Variants in ATG4C observed in about 807,000 individuals in gnomAD.
ATG4C encodes the protein cysteine protease ATG4C.
A neutral mutation model predicts 57.6 loss-of-function variants in ATG4C; 56 were observed. The observed-to-expected ratio is 0.97, with a 90% CI of 0.78 to 1.21. The LOEUF is 1.21. ATG4C is among the 50% of genes most tolerant of loss of function. ATG4C has a pLI of 0.00. For synonymous variants in ATG4C, 157 were observed against 174.1 expected (o/e 0.90, Z 0.78); for missense variants, 595 against 529.8 (o/e 1.12, Z -1.21).
intron 7 of ATG4C, among the ~76,000 whole-genome samples, chr1:62,832,492 C>A (rs912736425): frequency 6.6e-6 from 1 of 152,120 alleles, no homozygotes; most frequent in Admixed American, 6.5e-5. Context: ...TCTGTCCTCA[C>A]GTGGCAGAGG....
intron 6 of ATG4C, among the ~76,000 whole-genome samples, chr1:62,822,059 A>G (rs1375291428): frequency 1.3e-5 from 2 of 152,144 alleles, no homozygotes; most frequent in African/African-American, 4.8e-5. Flanking sequence ...AGACACCTCA[A>G]TTCTTAATAA....
intron 10 of ATG4C, among the ~76,000 whole-genome samples, chr1:62,861,168 T>G (rs1402525538): frequency 6.6e-6 from 1 of 152,146 alleles, no homozygotes; most frequent in Non-Finnish European, 1.5e-5. Context: ...AAAACAACTA[T>G]GAGATGGTGA....
chr1:62,853,029 A>T (rs1235548001), intron 10 of ATG4C, among the ~76,000 whole-genome samples: 2 of 152,120 alleles, frequency 1.3e-5, no homozygotes, highest in South Asian at 2.1e-4. Context: ...TATGAAAAAG[A>T]TGCATAGATG....
At chr1:62,831,239 G>C (rs1292784189) in intron 7 of ATG4C, among the ~76,000 whole-genome samples, 1 of 152,104 alleles carries the variant, frequency 6.6e-6, no homozygotes, top group African/African-American at 2.4e-5. Flanking sequence ...GGCCAGAGGG[G>C]ATGGTTGAGT....
chr1:62,816,736 G>T lies in ATG4C; in HGVS notation c.322G>T (p.Gly108Trp), dbSNP rs1315640383. The change falls in exon 4 of 11, where the codon GGG (glycine) becomes TGG (tryptophan). Residue 108 changes from glycine to tryptophan, a missense_variant. Transcript: ENST00000317868. ...AGGCTCAGCTTTGACAACAGACTGT[G>T]GGTGGGGCTGCACATTGAGAACTGG... is the stretch of plus-strand genomic sequence containing the variant. ...IEGSALTTDC[G>W]WGCTLRTGQM... The T allele has an allele frequency of 7.4e-6, 12 of 1,613,666 alleles. No homozygotes were observed. In the Admixed American group the frequency reaches 2.0e-4, roughly 27 times the overall value.
At chr1:62,856,022 G>A (rs1271864408) in intron 10 of ATG4C, among the ~76,000 whole-genome samples, 2 of 152,200 alleles carry the variant, frequency 1.3e-5, no homozygotes, top group Non-Finnish European at 2.9e-5. Flanking sequence ...CAGCCTGTAT[G>A]TAGTCTTATA....
chr1:62,834,675 C>A, intron 8 of ATG4C, 101 bp from the exon 9 acceptor site: 1 of 874,940 alleles, frequency 1.1e-6, no homozygotes, highest in Non-Finnish European at 1.8e-6. Flanking sequence ...CAAGCTGTTA[C>A]TCCCAGATTT....
intron 3 of ATG4C, among the ~76,000 whole-genome samples, 184 bp downstream of exon 3, chr1:62,805,439 T>C (rs928432428): frequency 2.6e-5 from 4 of 152,076 alleles, no homozygotes; most frequent in Admixed American, 1.3e-4. Flanking sequence ...GATAAGGACC[T>C]TGTCATCTTT....
intron 6 of ATG4C, among the ~76,000 whole-genome samples, chr1:62,826,164 C>T (rs1292160040): frequency 6.6e-6 from 1 of 151,984 alleles, no homozygotes; most frequent in East Asian, 1.9e-4. Context: ...CCACCTTGGC[C>T]TCCCAAAGTG....
intron 10 of ATG4C, among the ~76,000 whole-genome samples, chr1:62,854,283 CTTT>C (rs1342310702): frequency 7.2e-6 from 1 of 138,600 alleles, no homozygotes. Context: ...CTTTTTCTTT[CTTT>C]TTTTTTTTTT....
intron 9 of ATG4C, among the ~76,000 whole-genome samples, chr1:62,836,743 A>G (rs1210812963): frequency 6.6e-6 from 1 of 152,078 alleles, no homozygotes; most frequent in African/African-American, 2.4e-5. Flanking sequence ...AATCATTTTT[A>G]TAGGGAACTT....
In ATG4C at chr1:62,840,660, C is replaced by T. The variant is rs189854062; in HGVS notation, c.1090-768C>T. ...CTGCCCTTTTTCTACTTTTGTATTCCCTAAAGATGCCAAACTCTACTAACA... is the reference window on the plus strand; with the variant it reads ...CTGCCCTTTTTCTACTTTTGTATTCTCTAAAGATGCCAAACTCTACTAACA... On this transcript the variant is annotated intron_variant, in intron 9 of 10. Transcript: ENST00000317868. Among the ~76,000 whole-genome samples the T allele has an allele frequency of 1.8e-4, 27 of 152,010 alleles. 1 individual carries two copies. Among genetic ancestry groups the T allele is most frequent in the Admixed American group, 7.2e-4 (11 of 15,256 alleles).
At chr1:62,824,586 T>C (rs1414309830) in intron 6 of ATG4C, among the ~76,000 whole-genome samples, 2 of 151,990 alleles carry the variant, frequency 1.3e-5, no homozygotes, top group African/African-American at 4.8e-5. Flanking sequence ...TACCAGATCC[T>C]CCTATTTTCT....
chr1:62,822,761 TTC>T (rs1665522453), intron 6 of ATG4C, among the ~76,000 whole-genome samples: 1 of 152,178 alleles, frequency 6.6e-6, no homozygotes, highest in South Asian at 2.1e-4. Flanking sequence ...TCTATTTATT[TTC>T]TCTTTTTCTT....
At chr1:62,850,614 CCT>C (rs1447173867) in intron 10 of ATG4C, among the ~76,000 whole-genome samples, 2 of 151,964 alleles carry the variant, frequency 1.3e-5, no homozygotes, top group Non-Finnish European at 1.5e-5. Context: ...AGTGCCCGCC[CCT>C]GTTTCACGGG....
intron 10 of ATG4C, among the ~76,000 whole-genome samples, chr1:62,842,620 A>T (rs565755616): frequency 2.0e-4 from 30 of 152,298 alleles, no homozygotes; most frequent in African/African-American, 7.2e-4. Context: ...TGGACATAGT[A>T]AGTTGAAATT....
At chr1:62,791,857 T>G (rs2100277993) in intron 1 of ATG4C, among the ~76,000 whole-genome samples, 1 of 151,436 alleles carries the variant, frequency 6.6e-6, no homozygotes, top group East Asian at 1.9e-4. Context: ...CTGTTTCAGC[T>G]AATGGAACCA....
rs776199347 is a variant in ATG4C, at chr1:62,816,745, TGCACATTG to T, written c.332_339del (p.Cys111Ter). On this transcript the variant is annotated frameshift_variant, in exon 4 of 11. Transcript: ENST00000317868. LOFTEE classifies it high-confidence loss of function. ...TTTGACAACAGACTGTGGGTGGGGC[TGCACATTG>T]AGAACTGGCCAGATGCTCTTGGCTC... is the stretch of plus-strand genomic sequence containing the variant. 1 of 1,613,718 alleles carries T rather than the reference TGCACATTG, an allele frequency of 6.2e-7. No individual in the cohort carries two copies. The highest frequency in any genetic ancestry group is 1.1e-5 in the South Asian group (1 of 91,038).
chr1:62,838,576 G>C (rs1271204302), intron 9 of ATG4C, among the ~76,000 whole-genome samples: 9 of 152,032 alleles, frequency 5.9e-5, no homozygotes, highest in Non-Finnish European at 1.5e-5. Context: ...TCAGGAGTTT[G>C]AGACCAGCCT....
Sources: gnomAD v4.1 joint callset for allele counts (sites outside exome capture counted in the v4.1 genomes callset) on GRCh38, gnomAD v4.1.1 for gene constraint, MANE v1.5 for transcripts, NCBI Gene and HGNC (gene_info 2026-07-23, HGNC 2026-07-21) for gene names.